Variants in TBC1D2B observed in about 807,000 individuals in gnomAD.
TBC1D2B encodes TBC1 domain family member 2B, also known as TBC1 domain family, member 2B.
In TBC1D2B, 64 loss-of-function variants were observed where a neutral mutation model predicts 100.8. That is an observed-to-expected ratio of 0.64 (90% CI 0.52 to 0.78). The LOEUF is 0.78. Ranked by LOEUF, TBC1D2B falls within the 30% of genes least tolerant of loss-of-function variation. The pLI is 0.00. For missense variants in TBC1D2B, 1,052 were observed against 1,218.4 expected (o/e 0.86, Z 2.03); for synonymous variants, 480 against 479.7 (o/e 1.00, Z -0.01).
Position 78,039,990 on chromosome 15 carries a change from G to A in TBC1D2B, c.683+4910C>T, listed in dbSNP as rs76408055. Among the ~76,000 whole-genome samples, 26 of 152,322 alleles carry A rather than the reference G, an allele frequency of 1.7e-4. No homozygotes were observed. The East Asian group carries it at 4.2e-3, about 25-fold the overall frequency. ...CCCAGCCTAGCACCCAGAGATGGGC[G>A]CACAGTCCAGGCCACAAAGCCACAG... On this transcript the variant is annotated intron_variant, in intron 3 of 12. Transcript: ENST00000300584.
At chr15:78,018,368 C>T (rs1324416310) in intron 6 of TBC1D2B, among the ~76,000 whole-genome samples, 1 of 152,102 alleles carries the variant, frequency 6.6e-6, no homozygotes, top group Admixed American at 6.6e-5. Flanking sequence ...TGAAGGTTCT[C>T]ATCTTCACTT....
chr15:78,051,238 C>T (rs1011797083), intron 2 of TBC1D2B, among the ~76,000 whole-genome samples: 10 of 152,152 alleles, frequency 6.6e-5, no homozygotes, highest in Admixed American at 4.6e-4. Flanking sequence ...TAATGCTAAC[C>T]CTTTCAAAAT....
At chr15:78,056,676 C>T (rs2073427944) in intron 1 of TBC1D2B, among the ~76,000 whole-genome samples, 1 of 150,292 alleles carries the variant, frequency 6.7e-6, no homozygotes, top group African/African-American at 2.5e-5. Flanking sequence ...AAAGCCCACC[C>T]AGTCCTCCTC....
Position 78,009,114 on chromosome 15 carries a change from CCTA to C in TBC1D2B, c.2271-3_2271-1del. ...GGTACAGGAGGGCCACTGCCACCAA[CCTA>C]CAAGCAAAGGGAGGACAAGATGAGA... On this transcript the variant is annotated splice_acceptor_variant and splice_polypyrimidine_tract_variant and intron_variant, in intron 9 of 12. Coordinates refer to ENST00000300584, the MANE Select transcript of TBC1D2B (RefSeq NM_144572.2). LOFTEE classifies it high-confidence loss of function. The C allele has an allele frequency of 6.3e-7, 1 of 1,590,974 alleles. No individual in the cohort carries two copies. Among genetic ancestry groups the C allele is most frequent in the Non-Finnish European group, 8.6e-7 (1 of 1,166,944 alleles).
In TBC1D2B at chr15:78,077,469, C is replaced by T. The variant is rs985554216; in HGVS notation, c.184G>A (p.Ala62Thr). Residue 62 changes from alanine (A) to threonine (T), a missense_variant, in exon 1 of 13, where the codon GCG (alanine) becomes ACG (threonine). By Grantham distance (58) the Ala-to-Thr change is moderately conservative. This residue lies in a region of TBC1D2B where 627 missense variants were observed against 646.1 expected (regional missense o/e 0.97). Coordinates refer to ENST00000300584, the MANE Select transcript of TBC1D2B (RefSeq NM_144572.2). ...GYRSRWFVFD[A>T]RRCYLYYFKS... ...AAATAGTAAAGGTAGCAGCGGCGCG[C>T]GTCGAACACGAACCAGCGGCTGCGG... 268 of 1,536,968 alleles carry T rather than the reference C, an allele frequency of 1.7e-4. No individual in the cohort carries two copies. Among genetic ancestry groups the T allele is most frequent in the Non-Finnish European group, 2.3e-4 (260 of 1,141,710 alleles).
chr15:78,034,747 A>C (rs1449480132), intron 3 of TBC1D2B: 3 of 985,442 alleles, frequency 3.0e-6, no homozygotes, highest in Non-Finnish European at 3.6e-6. Flanking sequence ...GTCCTGGATA[A>C]GAGAGAAATG....
Position 78,075,892 on chromosome 15 carries a change from G to A in TBC1D2B, c.360+1401C>T, listed in dbSNP as rs542900255. 1.2e-3 allele frequency among the ~76,000 whole-genome samples: 179 copies of A among 152,300 alleles called. 3 individuals are homozygous for A. The highest frequency in any genetic ancestry group is 1.6e-3 in the Non-Finnish European group (107 of 68,016). ...AGCAGCTCTGGGGGTCTGAGGAACA[G>A]TCCTCAGCTCACAAGGCCAGGAGTT... On this transcript the variant is annotated intron_variant, in intron 1 of 12. Transcript: ENST00000300584.
At chr15:78,008,923 G>T (rs1161907425) in intron 10 of TBC1D2B, 74 bp downstream of exon 10, 2 of 1,058,286 alleles carry the variant, frequency 1.9e-6, no homozygotes, top group South Asian at 1.4e-5. Flanking sequence ...CACCCTGACC[G>T]CAGGTTTAAT....
chr15:78,017,056 C>T lies in TBC1D2B; in HGVS notation c.1582-317G>A, dbSNP rs2072395194. ...ACATGCCAATTACTGAGGTCCAGCT[C>T]GGTGCCATCTGGCACATGGCCCATG... On this transcript the variant is annotated intron_variant, in intron 7 of 12. Transcript: ENST00000300584. The T allele has an allele frequency of 2.5e-5, 6 of 236,138 alleles. No individual in the cohort carries two copies. The South Asian group carries it at 3.3e-4, about 13-fold the overall frequency. The allele number at this position is 236,138 out of a possible 1,614,324, so 14.6% of individuals were successfully genotyped here. A position where few individuals can be genotyped will look rare whatever the true frequency, so the allele number is the denominator to read the frequency against.
intron 3 of TBC1D2B, among the ~76,000 whole-genome samples, chr15:78,031,050 A>AT: frequency 6.6e-6 from 1 of 152,220 alleles, no homozygotes. Context: ...AGGGATAAAC[A>AT]TTTTTTAAAC....
At chr15:78,000,343 C>T (rs1367395830) in intron 12 of TBC1D2B, among the ~76,000 whole-genome samples, 4 of 152,220 alleles carry the variant, frequency 2.6e-5, no homozygotes, top group South Asian at 4.1e-4. Context: ...CTCCTGGCAG[C>T]GCCTGGGACC....
At chr15:78,026,799 G>C (rs2072680428) in intron 4 of TBC1D2B, among the ~76,000 whole-genome samples, 1 of 151,816 alleles carries the variant, frequency 6.6e-6, no homozygotes, top group African/African-American at 2.4e-5. Context: ...TACTCAGGAG[G>C]CTGAGGCAGG....
In TBC1D2B at chr15:77,998,266, C is replaced by T. The variant is rs774702809; in HGVS notation, c.2786G>A (p.Arg929Gln). Residue 929 changes from arginine to glutamine, a missense_variant, in exon 13 of 13, where the codon CGG becomes CAG. Transcript: ENST00000300584. Reference sequence around the variant, plus strand: ...GGCCTCCAGCTCGGTCAGCTCCAGCCGGACTTTCTCCAAGTGGTAGGCGCG... The same window carrying T: ...GGCCTCCAGCTCGGTCAGCTCCAGCTGGACTTTCTCCAAGTGGTAGGCGCG... ...NRRAYHLEKV[R>Q]LELTELEAIR... 15 of 1,602,170 alleles carry T rather than the reference C, an allele frequency of 9.4e-6. No homozygotes were observed. Among genetic ancestry groups the T allele is most frequent in the South Asian group, 4.5e-5 (4 of 88,586 alleles).
At chr15:78,035,845 C>A (rs945624558) in intron 3 of TBC1D2B, among the ~76,000 whole-genome samples, 3 of 152,226 alleles carry the variant, frequency 2.0e-5, no homozygotes, top group African/African-American at 7.2e-5. Flanking sequence ...TCTGTTAGAA[C>A]AAGAGCTCTA....
intron 1 of TBC1D2B, among the ~76,000 whole-genome samples, chr15:78,071,930 G>C (rs572844540): frequency 6.6e-6 from 1 of 152,306 alleles, no homozygotes; most frequent in African/African-American, 2.4e-5. Context: ...GTTCCTGGCG[G>C]GGGCCCTCTT....
chr15:78,032,202 G>A (rs1017733144), intron 3 of TBC1D2B, among the ~76,000 whole-genome samples: 3 of 152,148 alleles, frequency 2.0e-5, no homozygotes, highest in Admixed American at 6.6e-5. Flanking sequence ...ACACGGGACC[G>A]GGAATAGTGC....
chr15:78,068,870 G>A (rs147574166), intron 1 of TBC1D2B, among the ~76,000 whole-genome samples: 1 of 152,314 alleles, frequency 6.6e-6, no homozygotes, highest in East Asian at 1.9e-4. Flanking sequence ...CCCAGCTGAG[G>A]GCTGGCCTGA....
At chr15:78,054,928 G>A (rs1247680599) in intron 1 of TBC1D2B, among the ~76,000 whole-genome samples, 1 of 151,938 alleles carries the variant, frequency 6.6e-6, no homozygotes, top group African/African-American at 2.4e-5. Flanking sequence ...AAAAAAATGA[G>A]AACTTTGTCT....
At chr15:78,074,970 A>G (rs905582418) in intron 1 of TBC1D2B, among the ~76,000 whole-genome samples, 2 of 152,158 alleles carry the variant, frequency 1.3e-5, no homozygotes, top group African/African-American at 4.8e-5. Context: ...CACTATGGAA[A>G]ATGCGCCAGC....
Sources: gnomAD v4.1 joint callset for allele counts (sites outside exome capture counted in the v4.1 genomes callset) on GRCh38, gnomAD v4.1.1 for gene constraint, gnomAD v4.1.1 regional missense constraint, MANE v1.5 for transcripts, NCBI Gene and HGNC (gene_info 2026-07-23, HGNC 2026-07-21) for gene names.